The following RGS12 variants were observed in gnomAD, a reference collection of about 807,000 sequenced individuals.
The protein encoded by RGS12 is regulator of G protein signaling 12, also known as regulator of G-protein signaling 12.
Under a neutral mutation model 120.1 loss-of-function variants are expected in RGS12, and 66 were observed. The observed-to-expected ratio is 0.55, with a 90% CI of 0.45 to 0.67. The LOEUF is 0.67. Ranked by LOEUF, RGS12 falls within the 30% of genes least tolerant of loss-of-function variation. RGS12 has a pLI of 0.00. For missense variants in RGS12, 1,859 were observed against 1,957.7 expected, an observed-to-expected ratio of 0.95 and a Z score of 0.95; for synonymous variants, 827 against 804.7, an observed-to-expected ratio of 1.03 and a Z score of -0.47.
chr4:3,428,293 TGGC>T (rs759556919), intron 15 of RGS12, 124 bp downstream of exon 15: 1 of 962,750 alleles, frequency 1.0e-6, no homozygotes, highest in Admixed American at 1.8e-5. Context: ...CCACGCTCCT[TGGC>T]GGGGTCTCTC....
chr4:3,344,880 C>T (rs979804967), intron 3 of RGS12, among the ~76,000 whole-genome samples: 5 of 152,196 alleles, frequency 3.3e-5, no homozygotes, highest in African/African-American at 7.2e-5. Flanking sequence ...GGGCCCTGCT[C>T]GCTGCTGGCT....
intron 2 of RGS12, among the ~76,000 whole-genome samples, chr4:3,337,957 G>A (rs149811122): frequency 2.6e-5 from 4 of 152,344 alleles, no homozygotes; most frequent in Admixed American, 6.5e-5. Flanking sequence ...GACCTTGCAC[G>A]GACTTGCTTC....
Position 3,316,730 on chromosome 4 carries a change from A to G in RGS12, c.560A>G (p.Asn187Ser). ...TTTGATGTTGGACATGAAAGTATAA[A>G]TAATCCAAATCCCAACATGCTTTCT... ...TRFDVGHESI[N>S]NPNPNMLSKE... The change falls in exon 2 of 18, where the codon AAT (asparagine) becomes AGT (serine). Residue 187 changes from asparagine (N) to serine (S), a missense_variant. By Grantham distance (46) the Asn-to-Ser change is conservative (BLOSUM62 1). Transcript: ENST00000336727. 6.2e-7 allele frequency: 1 copy of G among 1,614,248 alleles called. No homozygotes were observed. The highest frequency in any genetic ancestry group is 8.5e-7 in the Non-Finnish European group (1 of 1,180,038).
intron 2 of RGS12, chr4:3,342,349 T>G: frequency 3.5e-6 from 4 of 1,143,604 alleles, no homozygotes; most frequent in African/African-American, 1.6e-5. Flanking sequence ...ACAACATAGA[T>G]GTTTGTCGAA....
At chr4:3,313,151 A>G (rs1395233537) in intron 1 of RGS12, 2 of 152,294 alleles carry the variant, frequency 1.3e-5, no homozygotes, top group African/African-American at 4.8e-5. Context: ...CATGACAGTA[A>G]GAGTCTAGTA....
chr4:3,367,266 C>T (rs1036211546), intron 3 of RGS12, among the ~76,000 whole-genome samples: 5 of 152,270 alleles, frequency 3.3e-5, no homozygotes, highest in African/African-American at 4.8e-5. Flanking sequence ...CTCTGGGATC[C>T]GCGGTGGGCC....
At chr4:3,346,729 T>C (rs537720416) in intron 3 of RGS12, among the ~76,000 whole-genome samples, 1 of 152,330 alleles carries the variant, frequency 6.6e-6, no homozygotes, top group African/African-American at 2.4e-5. Context: ...TCTCTCTACA[T>C]TGATCACACA....
In RGS12 at chr4:3,316,952, G is replaced by A. The variant is rs777402390; in HGVS notation, c.782G>A (p.Arg261His). ...CAAGCCATCCGCGGCTGCATGCGGC[G>A]CCTGCGGGCAGAGCAGAAAATCCAC... ...SLQAIRGCMR[R>H]LRAEQKIHSL... Residue 261 changes from arginine to histidine, a missense_variant, in exon 2 of 18, where the codon CGC becomes CAC. Transcript: ENST00000336727. 4.3e-6 allele frequency: 7 copies of A among 1,613,892 alleles called. No homozygotes were observed. The highest frequency in any genetic ancestry group is 2.2e-5 in the South Asian group (2 of 91,088).
intron 4 of RGS12, among the ~76,000 whole-genome samples, chr4:3,405,694 T>C (rs10007038): frequency 0.05 from 7,653 of 152,206 alleles, 610 homozygotes; most frequent in African/African-American, 0.17. Flanking sequence ...AGAGGCATGC[T>C]GTCTCCAACT....
At chr4:3,382,466 T>C (rs1347043332) in intron 3 of RGS12, among the ~76,000 whole-genome samples, 2 of 152,142 alleles carry the variant, frequency 1.3e-5, no homozygotes, top group African/African-American at 4.8e-5. Flanking sequence ...GCCACTGTGG[T>C]GGGTGTCTTG....
Position 3,417,387 on chromosome 4 carries a change from G to A in RGS12, c.2608-1G>A. ...TAACCAAGGTTTCCATTTGATGACAGTTAAGTGGAAAATCAAAATCCGGCC... is the reference window on the plus strand; with the variant it reads ...TAACCAAGGTTTCCATTTGATGACAATTAAGTGGAAAATCAAAATCCGGCC... On this transcript the variant is annotated splice_acceptor_variant, in intron 8 of 17. Transcript: ENST00000336727. LOFTEE classifies it high-confidence loss of function. 1 of 1,568,962 alleles carries A rather than the reference G, an allele frequency of 6.4e-7. No homozygotes were observed. Among genetic ancestry groups the A allele is most frequent in the Non-Finnish European group, 8.7e-7 (1 of 1,155,992 alleles).
chr4:3,318,699 G>A (rs1724975278), intron 2 of RGS12, among the ~76,000 whole-genome samples: 1 of 152,244 alleles, frequency 6.6e-6, no homozygotes, highest in South Asian at 2.1e-4. Context: ...GCAGGAAAGA[G>A]TAAATGAGCA....
Position 3,374,644 on chromosome 4 carries a change from C to T in RGS12, c.1999-11772C>T, listed in dbSNP as rs1210063620. On this transcript the variant is annotated intron_variant, in intron 3 of 17. Coordinates refer to ENST00000336727, the MANE Select transcript of RGS12 (RefSeq NM_001394154.1). This position sits in a 1 kb window ranked among gnomAD's most constrained non-coding sequence, Gnocchi z 6.3. ...CCTGTCCCTTCTGCTTGAGCCCACA[C>T]CCTCTGATACTCCACGTCAGCAAGC... 6.6e-6 allele frequency among the ~76,000 whole-genome samples: 1 copy of T among 152,018 alleles called. No individual in the cohort carries two copies. Among genetic ancestry groups the T allele is most frequent in the Non-Finnish European group, 1.5e-5 (1 of 68,012 alleles).
intron 3 of RGS12, among the ~76,000 whole-genome samples, chr4:3,361,972 TG>T (rs1192629972): frequency 1.3e-5 from 2 of 152,118 alleles, no homozygotes; most frequent in African/African-American, 4.8e-5. Context: ...CCAACCTGCC[TG>T]GGGAAGTCAG....
At chr4:3,386,519 C>T in intron 4 of RGS12, 82 bp downstream of exon 4, 2 of 1,228,066 alleles carry the variant, frequency 1.6e-6, no homozygotes, top group South Asian at 2.5e-5. Context: ...CATTTGATGC[C>T]CTCAGGAAGG....
chr4:3,396,073 T>C (rs1720020429), intron 4 of RGS12, among the ~76,000 whole-genome samples: 1 of 152,258 alleles, frequency 6.6e-6, no homozygotes, highest in Admixed American at 6.5e-5. Context: ...TTTGTTGTAT[T>C]GTTATTTTTT....
At chr4:3,377,482 T>C (rs914945248) in intron 3 of RGS12, among the ~76,000 whole-genome samples, 4 of 152,144 alleles carry the variant, frequency 2.6e-5, no homozygotes, top group African/African-American at 7.2e-5. Context: ...GAACATCAAG[T>C]GGTGATTGAA....
intron 2 of RGS12, among the ~76,000 whole-genome samples, chr4:3,333,675 C>G (rs147694143): frequency 3.3e-5 from 5 of 152,304 alleles, no homozygotes; most frequent in Non-Finnish European, 7.3e-5. Flanking sequence ...TTTCTTAGTT[C>G]TGTGTTCCTT....
chr4:3,360,134 A>C (rs964812165), intron 3 of RGS12, among the ~76,000 whole-genome samples: 1 of 152,218 alleles, frequency 6.6e-6, no homozygotes, highest in African/African-American at 2.4e-5. Flanking sequence ...CATCTAGGTT[A>C]TCCAATGTAT....
Sources: gnomAD v4.1 joint callset for allele counts (sites outside exome capture counted in the v4.1 genomes callset) on GRCh38, gnomAD v4.1.1 for gene constraint, Gnocchi (gnomAD v3.1) non-coding constraint, MANE v1.5 for transcripts, NCBI Gene and HGNC (gene_info 2026-07-23, HGNC 2026-07-21) for gene names.